The following CDCA7L variants were observed in gnomAD, a reference collection of about 807,000 sequenced individuals.
The protein encoded by CDCA7L is cell division cycle-associated 7-like protein.
A neutral mutation model predicts 57.4 loss-of-function variants in CDCA7L; 44 were observed. That is an observed-to-expected ratio of 0.77 (90% CI 0.60 to 0.98). The LOEUF is 0.98. Ranked by LOEUF, CDCA7L falls within the 50% of genes least tolerant of loss-of-function variation. The probability of loss-of-function intolerance (pLI) is 0.00; values close to 1 mark genes in which losing one functional copy is unlikely to be tolerated. For missense variants in CDCA7L, 644 were observed against 580.6 expected (o/e 1.11, Z -1.12); for synonymous variants, 236 against 202.8 (o/e 1.16, Z -1.39).
Position 21,904,187 on chromosome 7 carries a change from C to A in CDCA7L, c.1120G>T (p.Gly374Cys). The A allele has an allele frequency of 6.2e-7, 1 of 1,613,854 alleles. No individual in the cohort carries two copies. The highest frequency in any genetic ancestry group is 8.5e-7 in the Non-Finnish European group (1 of 1,179,872). The change falls in exon 8 of 10, where the codon GGT becomes TGT. Residue 374 changes from glycine (G) to cysteine (C), a missense_variant. Physicochemically the swap from Gly to Cys is radical, Grantham distance 159. Coordinates refer to ENST00000406877, the MANE Select transcript of CDCA7L (RefSeq NM_018719.5). Reference protein sequence around the residue: ...KTVCRNQGCCGVRGQFCGPCL... With the variant: ...KTVCRNQGCCCVRGQFCGPCL... ...GGTCCACAGAACTGTCCTCGCACAC[C>A]ACAGCAACCCTGGTTCCGACACACT...
rs1347377165 is a variant in CDCA7L at position 21,901,040 on chromosome 7, T to C, written c.*1282A>G. ...TGGGACACCCAAGCAGGAACCATTGTTGAAGCCCGTCTCAAGGAGCTGGCA... is the reference window on the plus strand; with the variant it reads ...TGGGACACCCAAGCAGGAACCATTGCTGAAGCCCGTCTCAAGGAGCTGGCA... On this transcript the variant is annotated 3_prime_UTR_variant, in exon 10 of 10. Transcript: ENST00000406877. The C allele has an allele frequency of 1.2e-6, 2 of 1,612,388 alleles. No individual in the cohort carries two copies. The highest frequency in any genetic ancestry group is 8.5e-7 in the Non-Finnish European group (1 of 1,179,116).
chr7:21,919,235 A>G (rs1785582930), intron 1 of CDCA7L, among the ~76,000 whole-genome samples: 2 of 152,028 alleles, frequency 1.3e-5, no homozygotes, highest in South Asian at 4.2e-4. Flanking sequence ...CTTTTCTTCT[A>G]CCATGTATAT....
chr7:21,905,704 C>T, intron 6 of CDCA7L, 73 bp from the exon 7 acceptor site: 1 of 1,486,426 alleles, frequency 6.7e-7, no homozygotes, highest in Admixed American at 2.0e-5. Context: ...ATTTTAAACT[C>T]TCAAAGATCT....
intron 1 of CDCA7L, among the ~76,000 whole-genome samples, chr7:21,929,631 C>CAAAAAAAAAAAAAA (rs57283961): frequency 2.7e-3 from 95 of 35,506 alleles, no homozygotes; most frequent in Non-Finnish European, 2.8e-3. Context: ...AAATGGAAAG[C>CAAAAAAAAAAAAAA]AAAAAAAAAA....
At position 21,908,441 on chromosome 7, in the gene CDCA7L, C is replaced by A; in HGVS notation, c.370G>T (p.Glu124Ter). The change falls in exon 4 of 10, where the codon GAA becomes TAA. Residue 124 changes from glutamate to a stop codon, truncating the protein, a stop_gained. Transcript: ENST00000406877. LOFTEE classifies it high-confidence loss of function. The stretch of plus-strand genomic sequence containing the variant: ...CTTCTAGGGGTAGCCTTATCTTCTT[C>A]TTCATCTTCCTCTTCCTCGCTCACC... ...SLVSEEEEDE[E>*]EDKATPRRSR... 6.4e-7 allele frequency: 1 copy of A among 1,573,304 alleles called. No individual in the cohort carries two copies.
In CDCA7L at chr7:21,935,157, G is replaced by A. The variant is rs1048684506; in HGVS notation, c.24+10624C>T. ...CTATATGTTAGGCCACAAAACAAGTGTGAATATATTTTTAAATGACTGAAA... is the reference window on the plus strand; with the variant it reads ...CTATATGTTAGGCCACAAAACAAGTATGAATATATTTTTAAATGACTGAAA... On this transcript the variant is annotated intron_variant, in intron 1 of 9. Coordinates refer to ENST00000406877, the MANE Select transcript of CDCA7L (RefSeq NM_018719.5). Among the ~76,000 whole-genome samples, 8 of 152,118 alleles carry A rather than the reference G, an allele frequency of 5.3e-5. No individual in the cohort carries two copies. The East Asian group carries it at 1.2e-3, about 22-fold the overall frequency.
chr7:21,916,816 T>C lies in CDCA7L; in HGVS notation c.103A>G (p.Met35Val), dbSNP rs752165445. 12 of 1,613,996 alleles carry C rather than the reference T, an allele frequency of 7.4e-6. No homozygotes were observed. The East Asian group carries it at 8.9e-5, about 12-fold the overall frequency. ...CTCTCCTCTGACGAGAGGGTTTCCA[T>C]GGGAACATCATCTCGGAAGCCAACA... ...EFVGFRDDVP[M>V]ETLSSEESCD... The change falls in exon 2 of 10, where the codon ATG becomes GTG. Residue 35 changes from methionine (M) to valine (V), a missense_variant. Coordinates refer to ENST00000406877, the MANE Select transcript of CDCA7L (RefSeq NM_018719.5).
chr7:21,936,666 C>G (rs1786175395), intron 1 of CDCA7L, among the ~76,000 whole-genome samples: 1 of 151,810 alleles, frequency 6.6e-6, no homozygotes, highest in South Asian at 2.1e-4. Flanking sequence ...TTAAACTCAC[C>G]AACATAAGGC....
chr7:21,902,262 G>GGTATGCATGTCTT lies in CDCA7L; in HGVS notation c.*47_*59dup. The GGTATGCATGTCTT allele has an allele frequency of 7.5e-6, 11 of 1,475,026 alleles. No individual in the cohort carries two copies. In the South Asian group the frequency reaches 1.1e-4, roughly 15 times the overall value. 91.4% of individuals were successfully genotyped at this position (1,475,026 alleles called of 1,614,324 possible). On this transcript the variant is annotated 3_prime_UTR_variant, in exon 10 of 10. Coordinates refer to ENST00000406877, the MANE Select transcript of CDCA7L (RefSeq NM_018719.5). ...AAAAAAATCTTTCTTAGGCACCAAT[G>GGTATGCATGTCTT]GTATGCATGTCTTGTTGGAGTACTC...
chr7:21,902,870 A>ATAAG (rs540007231), intron 9 of CDCA7L, 108 bp downstream of exon 9: 20 of 1,003,230 alleles, frequency 2.0e-5, no homozygotes, highest in East Asian at 1.2e-4. Flanking sequence ...CGTGGTTTAT[A>ATAAG]TAAGTAAGTA....
intron 2 of CDCA7L, among the ~76,000 whole-genome samples, chr7:21,912,514 T>A (rs1457384917): frequency 6.6e-6 from 1 of 152,184 alleles, no homozygotes; most frequent in South Asian, 2.1e-4. Flanking sequence ...GGAAAGAAGA[T>A]ATGAGGAGAA....
At chr7:21,904,041 G>GGAGGCCCATCTTTA in intron 8 of CDCA7L, 69 bp downstream of exon 8, 1 of 1,440,196 alleles carries the variant, frequency 6.9e-7, no homozygotes, top group Non-Finnish European at 9.3e-7. Flanking sequence ...TGAGAACCCA[G>GGAGGCCCATCTTTA]GAGGCCCATC....
chr7:21,925,695 G>C (rs1785803222), intron 1 of CDCA7L, among the ~76,000 whole-genome samples: 2 of 152,204 alleles, frequency 1.3e-5, no homozygotes, highest in South Asian at 4.1e-4. Context: ...TTCAAGACTA[G>C]CCTGGGCAAT....
At chr7:21,937,933 TG>T (rs1347537490) in intron 1 of CDCA7L, among the ~76,000 whole-genome samples, 1 of 152,158 alleles carries the variant, frequency 6.6e-6, no homozygotes, top group Non-Finnish European at 1.5e-5. Flanking sequence ...TAACTCAAGA[TG>T]GATCAAAGAT....
Position 21,908,515 on chromosome 7 carries a change from A to C in CDCA7L, c.304-8T>G. 6.6e-7 allele frequency: 1 copy of C among 1,503,912 alleles called. No individual in the cohort carries two copies. Among genetic ancestry groups the C allele is most frequent in the Non-Finnish European group, 8.8e-7 (1 of 1,131,538 alleles). The allele number at this position is 1,503,912 out of a possible 1,614,324, so 93.2% of individuals were successfully genotyped here. A position where few individuals can be genotyped will look rare whatever the true frequency, so the allele number is the denominator to read the frequency against. ...CAAATCTGACTCCACGACCTAATAA[A>C]ATAAGAGCAAGAAAAAGCACAAAGA... is the stretch of plus-strand genomic sequence containing the variant. On this transcript the variant is annotated splice_region_variant and splice_polypyrimidine_tract_variant and intron_variant, in intron 3 of 9. Transcript: ENST00000406877.
chr7:21,910,870 G>T (rs1249462355), intron 3 of CDCA7L, among the ~76,000 whole-genome samples: 1 of 152,048 alleles, frequency 6.6e-6, no homozygotes. Flanking sequence ...CACCAAGTTT[G>T]TACCACAGCC....
chr7:21,928,123 GGCA>G (rs1348386802), intron 1 of CDCA7L, among the ~76,000 whole-genome samples: 1 of 152,194 alleles, frequency 6.6e-6, no homozygotes, highest in Non-Finnish European at 1.5e-5. Context: ...GAAGAAAACA[GGCA>G]GCAATCCTTT....
rs1394173776 is a variant in CDCA7L at position 21,902,184 on chromosome 7, TTAACAAAAAATAG to T, written c.*125_*137del. The stretch of plus-strand genomic sequence containing the variant: ...ATCTTTGTAAGCATATAAACAATCT[TTAACAAAAAATAG>T]TAATTTCTACAAAGAATTTCTGTAT... On this transcript the variant is annotated 3_prime_UTR_variant, in exon 10 of 10. Coordinates refer to ENST00000406877, the MANE Select transcript of CDCA7L (RefSeq NM_018719.5). 1 of 858,158 alleles carries T rather than the reference TTAACAAAAAATAG, an allele frequency of 1.2e-6. No individual in the cohort carries two copies. The highest frequency in any genetic ancestry group is 1.7e-5 in the African/African-American group (1 of 59,150). 53.2% of individuals were successfully genotyped at this position (858,158 alleles called of 1,614,324 possible). A position where few individuals can be genotyped will look rare whatever the true frequency, so the allele number is the denominator to read the frequency against.
rs879666623 is a variant in CDCA7L at position 21,901,568 on chromosome 7, CA to C, written c.*753del. The C allele has an allele frequency of 0.012, 1,879 of 158,244 alleles. 1 individual carries two copies. The highest frequency in any genetic ancestry group is 0.027 in the Middle Eastern group (11 of 404). The allele number at this position is 158,244 out of a possible 1,614,324, so 9.8% of individuals were successfully genotyped here. ...TGGGCAACAGAACAAGACTCCATCT[CA>C]AAAAAAAAAAAGTACATCATAAAAG... On this transcript the variant is annotated 3_prime_UTR_variant, in exon 10 of 10. Transcript: ENST00000406877.
Sources: allele counts gnomAD v4.1 joint callset (sites outside exome capture counted in the v4.1 genomes callset), GRCh38; gene constraint gnomAD v4.1.1; transcripts MANE v1.5; gene names NCBI Gene and HGNC (gene_info 2026-07-23, HGNC 2026-07-21).